Variants in OASL observed in about 807,000 individuals in gnomAD.
OASL encodes the protein 2'-5'-oligoadenylate synthase-like protein.
OASL carries 28 observed loss-of-function variants against 35.3 expected under a neutral mutation model. That is an observed-to-expected ratio of 0.79 (90% CI 0.59 to 1.09). OASL has a LOEUF of 1.09. Among genes scored for constraint, OASL ranks in the 50% least tolerant of loss-of-function variants. The pLI, the probability that OASL is intolerant of heterozygous loss-of-function variation, is 0.00. For missense variants in OASL, 620 were observed against 635.2 expected (o/e 0.98, Z 0.26); for synonymous variants, 252 against 254.6 (o/e 0.99, Z 0.10).
At chr12:121,020,832 T>C in exon 6 of OASL, 1 of 1,614,134 alleles carries the variant, frequency 6.2e-7, no homozygotes. Flanking sequence ...CTCCAGCAGA[T>C]AGATGTGAGT....
chr12:121,032,482 C>T (rs570103422), intron 2 of OASL, among the ~76,000 whole-genome samples: 50 of 152,234 alleles, frequency 3.3e-4, no homozygotes, highest in African/African-American at 9.4e-4. Context: ...CAAAGCAGCC[C>T]CCAACCAGTG....
chr12:121,030,063 C>T (rs146601643), intron 3 of OASL, among the ~76,000 whole-genome samples: 24 of 152,046 alleles, frequency 1.6e-4, no homozygotes, highest in Non-Finnish European at 2.4e-4. Flanking sequence ...TTTGTAGAGA[C>T]GGGGTTTCAC....
intron 5 of OASL, 114 bp from the exon 6 acceptor site, chr12:121,021,172 G>C: frequency 8.7e-7 from 1 of 1,155,856 alleles, no homozygotes. Flanking sequence ...AGCGGCAGCA[G>C]CAAATGTTTA....
intron 1 of OASL, 141 bp from the exon 2 acceptor site, chr12:121,033,884 T>C (rs763133968): frequency 3.7e-6 from 3 of 804,834 alleles, no homozygotes; most frequent in Non-Finnish European, 5.8e-6. Context: ...ACCCACACTT[T>C]ACAGGTGAGA....
At chr12:121,038,122 T>A (rs1870028983) in intron 1 of OASL, among the ~76,000 whole-genome samples, 1 of 151,794 alleles carries the variant, frequency 6.6e-6, no homozygotes, top group African/African-American at 2.4e-5. Context: ...ATCAAAAAGT[T>A]AAAACACATA....
intron 2 of OASL, among the ~76,000 whole-genome samples, chr12:121,031,857 T>C (rs998386290): frequency 3.3e-5 from 5 of 152,086 alleles, no homozygotes; most frequent in African/African-American, 1.2e-4. Context: ...GTCCTCAATG[T>C]CCCTCATTTT....
rs756870125 is a variant in OASL at position 121,027,610 on chromosome 12, C to T, written c.865G>A (p.Glu289Lys). 5.0e-6 allele frequency: 8 copies of T among 1,614,154 alleles called. No homozygotes were observed. The East Asian group carries it at 1.6e-4, about 31-fold the overall frequency. Residue 289 changes from glutamate to lysine, a missense_variant, in exon 4 of 6, where the codon GAG (glutamate) becomes AAG (lysine). Physicochemically the swap from Glu to Lys is moderately conservative, Grantham distance 56. Transcript: ENST00000257570. ...TTGAGCTGTTTTCTGACACAATCCTCAATGATTGCATTGTGGAGTGTGTAG... is the reference window on the plus strand; with the variant it reads ...TTGAGCTGTTTTCTGACACAATCCTTAATGATTGCATTGTGGAGTGTGTAG...
chr12:121,023,710 A>G lies in OASL; in HGVS notation c.1047+280T>C, dbSNP rs924541963. 4.0e-5 allele frequency: 13 copies of G among 327,918 alleles called. No homozygotes were observed. The East Asian group carries it at 7.3e-4, about 18-fold the overall frequency. 20.3% of individuals were successfully genotyped at this position (327,918 alleles called of 1,614,324 possible). ...GATTGAGCTGACTTGGCTGGACCCA[A>G]CTCACGCAAAGAATGATCAGGAACA... On this transcript the variant is annotated intron_variant, in intron 5 of 5. Transcript: ENST00000257570.
chr12:121,023,526 GT>G (rs1869341213), intron 5 of OASL, among the ~76,000 whole-genome samples: 1 of 152,086 alleles, frequency 6.6e-6, no homozygotes, highest in Non-Finnish European at 1.5e-5. Context: ...CTGACCTCAA[GT>G]GATCCACCTG....
rs754106331 is a variant in OASL, at chr12:121,021,073, G to A, written c.1048-15C>T. 1.3e-6 allele frequency: 2 copies of A among 1,545,106 alleles called. No individual in the cohort carries two copies. The highest frequency in any genetic ancestry group is 1.7e-6 in the Non-Finnish European group (2 of 1,153,022). ...TCTCGTGCCCTCTGGAAGGGAGAGGGAGAAGGAGAGGTGTTAAGTCCACAC... is the reference window on the plus strand; with the variant it reads ...TCTCGTGCCCTCTGGAAGGGAGAGGAAGAAGGAGAGGTGTTAAGTCCACAC... On this transcript the variant is annotated splice_polypyrimidine_tract_variant and intron_variant, in intron 5 of 5. Transcript: ENST00000257570.
exon 4 of OASL, chr12:121,027,790 T>C (rs1462699403): frequency 6.2e-7 from 1 of 1,613,956 alleles, no homozygotes; most frequent in African/African-American, 1.3e-5. Context: ...GGGGGCAGAT[T>C]GGCTCTGGGG....
At chr12:121,036,644 C>T (rs528867593) in intron 1 of OASL, among the ~76,000 whole-genome samples, 1 of 152,052 alleles carries the variant, frequency 6.6e-6, no homozygotes, top group East Asian at 1.9e-4. Flanking sequence ...ATTAGCCAGG[C>T]GTGGTGGAAC....
chr12:121,035,541 A>AAAACAAC lies in OASL; in HGVS notation c.199-1799_199-1798insGTTGTTT, dbSNP rs1565907705. ...CTCCATCTAAACAAAACAAAACAAC[A>AAAACAAC]AAAAAAAACGCCTTCACTTCCTGTA... On this transcript the variant is annotated intron_variant, in intron 1 of 5. Coordinates refer to ENST00000257570, the Ensembl canonical transcript of OASL. Among the ~76,000 whole-genome samples, 7 of 124,230 alleles carry AAAACAAC rather than the reference A, an allele frequency of 5.6e-5. No homozygotes were observed. The East Asian group carries it at 1.4e-3, about 24-fold the overall frequency. 81.5% of individuals were successfully genotyped at this position (124,230 alleles called of 152,430 possible). A position where few individuals can be genotyped will look rare whatever the true frequency, so the allele number is the denominator to read the frequency against.
At chr12:121,020,426 C>G in exon 6 of OASL, 1 of 962,284 alleles carries the variant, frequency 1.0e-6, no homozygotes. Context: ...TGAGCTACCA[C>G]GTCTGGCCTG....
At chr12:121,036,425 A>G (rs902998630) in intron 1 of OASL, among the ~76,000 whole-genome samples, 1 of 152,180 alleles carries the variant, frequency 6.6e-6, no homozygotes, top group African/African-American at 2.4e-5. Flanking sequence ...TGGTTTCAAG[A>G]GGAAAAGTGG....
intron 3 of OASL, among the ~76,000 whole-genome samples, chr12:121,028,300 G>A (rs930339707): frequency 1.3e-5 from 2 of 152,156 alleles, no homozygotes; most frequent in Non-Finnish European, 2.9e-5. Flanking sequence ...GGAAGGGGTT[G>A]ACCCCCACCC....
At chr12:121,030,262 T>C (rs1265914621) in intron 3 of OASL, among the ~76,000 whole-genome samples, 2 of 152,190 alleles carry the variant, frequency 1.3e-5, no homozygotes, top group African/African-American at 4.8e-5. Context: ...TGGAGTACAG[T>C]GGCGCGATCT....
intron 1 of OASL, among the ~76,000 whole-genome samples, chr12:121,034,364 G>A (rs12368199): frequency 0.13 from 20,008 of 151,892 alleles, 1,435 homozygotes; most frequent in Non-Finnish European, 0.16. Flanking sequence ...ACTGGGTTTT[G>A]GCATGTCGCC....
At chr12:121,018,869 CAAAAAA>C (rs1158102389), downstream of OASL, among the ~76,000 whole-genome samples, 1 of 55,294 alleles carries the variant, frequency 1.8e-5, no homozygotes, top group African/African-American at 7.2e-5. Flanking sequence ...GACTCCATCT[CAAAAAA>C]AAAAAAAAAA....
Sources: gnomAD v4.1 joint callset for allele counts (sites outside exome capture counted in the v4.1 genomes callset) on GRCh38, gnomAD v4.1.1 for gene constraint, MANE v1.5 for transcripts, NCBI Gene and HGNC (gene_info 2026-07-23, HGNC 2026-07-21) for gene names.